AGBL4: variants seen among roughly 807,000 people sequenced by gnomAD.
The protein encoded by AGBL4 is cytosolic carboxypeptidase 6.
In AGBL4, 58 loss-of-function variants were observed where a neutral mutation model predicts 66.4. That is an observed-to-expected ratio of 0.87 (90% CI 0.71 to 1.09). The LOEUF (loss-of-function observed/expected upper bound fraction) is 1.09. Ranked by LOEUF, AGBL4 falls within the 50% of genes least tolerant of loss-of-function variation. The pLI, the probability that AGBL4 is intolerant of heterozygous loss-of-function variation, is 0.00. For missense variants in AGBL4, 579 were observed against 631.0 expected (o/e 0.92, Z 0.88); for synonymous variants, 234 against 222.9 (o/e 1.05, Z -0.44).
At chr1:49,358,294 A>C (rs1053753566) in intron 3 of AGBL4, among the ~76,000 whole-genome samples, 2 of 152,102 alleles carry the variant, frequency 1.3e-5, no homozygotes, top group Non-Finnish European at 2.9e-5. Flanking sequence ...ACTCTAGATA[A>C]AGCTTTCCAG....
intron 1 of AGBL4, among the ~76,000 whole-genome samples, chr1:49,878,521 G>C (rs1202590449): frequency 2.0e-5 from 3 of 152,124 alleles, no homozygotes; most frequent in African/African-American, 7.2e-5. Context: ...TGTGGTCTGA[G>C]AGATAGTTTG....
intron 11 of AGBL4, among the ~76,000 whole-genome samples, chr1:48,572,463 G>A (rs765105260): frequency 2.0e-5 from 3 of 152,002 alleles, no homozygotes; most frequent in Non-Finnish European, 4.4e-5. Flanking sequence ...GGGAGGTTGG[G>A]TGGGGGGAGA....
chr1:50,014,373 A>T (rs1443990062), intron 1 of AGBL4, among the ~76,000 whole-genome samples: 1 of 151,782 alleles, frequency 6.6e-6, no homozygotes, highest in African/African-American at 2.4e-5. Context: ...TCTCGAAAAA[A>T]AAAAAAGATA....
intron 4 of AGBL4, among the ~76,000 whole-genome samples, chr1:49,066,004 T>C (rs551491222): frequency 6.6e-6 from 1 of 151,946 alleles, no homozygotes; most frequent in Non-Finnish European, 1.5e-5. Context: ...AGCATAAGAC[T>C]GAAAAAGTGT....
At chr1:48,538,178 A>C (rs146282402) in intron 12 of AGBL4, among the ~76,000 whole-genome samples, 133 of 152,288 alleles carry the variant, frequency 8.7e-4, no homozygotes, top group African/African-American at 3.1e-3. Context: ...GGGCTAAGAG[A>C]TGTATGACTC....
chr1:48,622,475 ATTTTTTTTTTT>A (rs35455455), intron 9 of AGBL4, among the ~76,000 whole-genome samples: 2 of 71,834 alleles, frequency 2.8e-5, no homozygotes, highest in African/African-American at 5.2e-5. Context: ...ATTCAAATAC[ATTTTTTTTTTT>A]TTTTTTTTTT....
intron 3 of AGBL4, among the ~76,000 whole-genome samples, chr1:49,597,701 A>G (rs1051791646): frequency 2.6e-5 from 4 of 152,186 alleles, no homozygotes; most frequent in Non-Finnish European, 5.9e-5. Flanking sequence ...CAAGAAACTC[A>G]AGAGGCAATT....
At chr1:49,019,041 T>C (rs1348215233) in intron 5 of AGBL4, among the ~76,000 whole-genome samples, 1 of 152,168 alleles carries the variant, frequency 6.6e-6, no homozygotes, top group African/African-American at 2.4e-5. Context: ...TTCGAGAAGA[T>C]ACACAGTGAC....
At chr1:49,516,005 T>A (rs1649779690) in intron 3 of AGBL4, among the ~76,000 whole-genome samples, 1 of 151,332 alleles carries the variant, frequency 6.6e-6, no homozygotes, top group Non-Finnish European at 1.5e-5. Context: ...AACCTGCACG[T>A]TGTGCACATG....
chr1:49,038,139 G>T (rs533607626), intron 5 of AGBL4, among the ~76,000 whole-genome samples: 3 of 152,078 alleles, frequency 2.0e-5, no homozygotes, highest in Non-Finnish European at 4.4e-5. Context: ...ATGAAGACAT[G>T]AATCTGTTTT....
At chr1:48,543,552 G>C (rs1239622343) in intron 11 of AGBL4, among the ~76,000 whole-genome samples, 1 of 152,154 alleles carries the variant, frequency 6.6e-6, no homozygotes, top group Non-Finnish European at 1.5e-5. Flanking sequence ...AGTGGAGTGG[G>C]AAGAAAAGAT....
At chr1:49,106,826 A>G (rs1228938013) in intron 4 of AGBL4, among the ~76,000 whole-genome samples, 1 of 152,168 alleles carries the variant, frequency 6.6e-6, no homozygotes, top group African/African-American at 2.4e-5. Context: ...TTATTGTCTC[A>G]TTTTGTTGTT....
intron 4 of AGBL4, among the ~76,000 whole-genome samples, chr1:49,102,153 C>G (rs898270652): frequency 2.0e-5 from 3 of 152,130 alleles, no homozygotes; most frequent in African/African-American, 7.2e-5. Flanking sequence ...ATCTGAGGAA[C>G]AACCCAGATC....
intron 3 of AGBL4, among the ~76,000 whole-genome samples, chr1:49,333,655 A>G (rs1046022773): frequency 6.6e-6 from 1 of 152,160 alleles, no homozygotes; most frequent in Non-Finnish European, 1.5e-5. Flanking sequence ...TAGATCAATA[A>G]TGACAGTATA....
intron 3 of AGBL4, among the ~76,000 whole-genome samples, chr1:49,444,995 T>C (rs1457737230): frequency 6.6e-6 from 1 of 151,960 alleles, no homozygotes; most frequent in African/African-American, 2.4e-5. Context: ...GCAAAAGTAG[T>C]CCCTTCATTT....
intron 3 of AGBL4, among the ~76,000 whole-genome samples, chr1:49,394,646 T>C (rs568158198): frequency 2.0e-5 from 3 of 152,310 alleles, no homozygotes; most frequent in Non-Finnish European, 2.9e-5. Flanking sequence ...GTTTCTTAAA[T>C]TGAGAATTTC....
intron 3 of AGBL4, among the ~76,000 whole-genome samples, chr1:49,567,993 A>C (rs1462089457): frequency 2.0e-5 from 3 of 152,148 alleles, no homozygotes; most frequent in African/African-American, 7.2e-5. Context: ...TATATAAAAA[A>C]CCCACAGCCA....
At chr1:49,519,843 A>G (rs1178065792) in intron 3 of AGBL4, among the ~76,000 whole-genome samples, 1 of 152,136 alleles carries the variant, frequency 6.6e-6, no homozygotes, top group Non-Finnish European at 1.5e-5. Flanking sequence ...AAAAGTGGAA[A>G]GTAGGGAGTG....
At chr1:48,575,690 A>AAAGT (rs1189294336) in intron 11 of AGBL4, among the ~76,000 whole-genome samples, 1 of 152,168 alleles carries the variant, frequency 6.6e-6, no homozygotes, top group Admixed American at 6.5e-5. Context: ...AGACTTGGTA[A>AAAGT]AAGTGATGGT....
Sources: allele counts gnomAD v4.1 joint callset (sites outside exome capture counted in the v4.1 genomes callset), GRCh38; gene constraint gnomAD v4.1.1; transcripts MANE v1.5; gene names NCBI Gene and HGNC (gene_info 2026-07-23, HGNC 2026-07-21).